DACH2: variants seen among roughly 807,000 people sequenced by gnomAD.
DACH2 encodes the protein dachshund family transcription factor 2, also known as dachshund homolog 2.
In DACH2, 17 loss-of-function variants were observed where a neutral mutation model predicts 35.8. That is an observed-to-expected ratio of 0.48 (90% CI 0.33 to 0.71). DACH2 has a LOEUF of 0.71. DACH2 is among the 30% of genes least tolerant of loss of function. The probability of loss-of-function intolerance (pLI) is 0.02; values close to 1 mark genes in which losing one functional copy is unlikely to be tolerated. For missense variants in DACH2, 469 were observed against 472.7 expected (o/e 0.99, Z 0.07); for synonymous variants, 195 against 177.3 (o/e 1.10, Z -0.79).
intron 1 of DACH2, among the ~76,000 whole-genome samples, chrX:86,318,721 A>C (rs1296001727): frequency 2.7e-5 from 3 of 111,485 alleles, no homozygotes; most frequent in Non-Finnish European, 5.6e-5. Flanking sequence ...TCTCTTCCGG[A>C]TGCTCCAGGG....
intron 2 of DACH2, among the ~76,000 whole-genome samples, chrX:86,512,691 T>C (rs1376015010): frequency 1.8e-5 from 2 of 112,199 alleles, no homozygotes. Context: ...TTAGAAAGTA[T>C]AGATTTGATG....
intron 7 of DACH2, among the ~76,000 whole-genome samples, chrX:86,777,107 A>G (rs2042042356): frequency 9.0e-6 from 1 of 111,531 alleles, no homozygotes; most frequent in African/African-American, 3.3e-5. Flanking sequence ...ATACCCAGCA[A>G]TGGGATGGCT....
At chrX:86,512,617 C>G (rs1483991640) in intron 2 of DACH2, among the ~76,000 whole-genome samples, 1 of 111,781 alleles carries the variant, frequency 8.9e-6, no homozygotes, top group Non-Finnish European at 1.9e-5. Flanking sequence ...AAAGACTAAT[C>G]AGGTGTGTTT....
intron 7 of DACH2, among the ~76,000 whole-genome samples, chrX:86,793,410 G>T (rs1051119450): frequency 9.0e-6 from 1 of 111,091 alleles, no homozygotes; most frequent in African/African-American, 3.3e-5. Context: ...TGATTATTGA[G>T]AAACATATAA....
chrX:86,389,968 A>G (rs1292609584), intron 2 of DACH2, among the ~76,000 whole-genome samples: 1 of 112,097 alleles, frequency 8.9e-6, no homozygotes, highest in African/African-American at 3.2e-5. Flanking sequence ...AACAGACAAT[A>G]ATTGATGATT....
At chrX:86,302,977 G>A (rs2034604454) in intron 1 of DACH2, among the ~76,000 whole-genome samples, 1 of 107,314 alleles carries the variant, frequency 9.3e-6, no homozygotes, top group African/African-American at 3.4e-5. Context: ...TTCCCAAAAT[G>A]TATGAAGAGG....
intron 3 of DACH2, among the ~76,000 whole-genome samples, chrX:86,593,018 T>C (rs745757715): frequency 1.8e-5 from 2 of 111,789 alleles, no homozygotes; most frequent in South Asian, 7.4e-4. Context: ...TTTCTTTTCC[T>C]ATTATGTTGG....
intron 1 of DACH2, among the ~76,000 whole-genome samples, chrX:86,265,605 A>G (rs915935858): frequency 2.7e-5 from 3 of 112,136 alleles, no homozygotes; most frequent in Non-Finnish European, 5.6e-5. Flanking sequence ...ATATTTGCAC[A>G]TACTATAAAA....
chrX:86,534,961 T>G (rs2038776301), intron 3 of DACH2, among the ~76,000 whole-genome samples: 1 of 111,931 alleles, frequency 8.9e-6, no homozygotes, highest in South Asian at 3.7e-4. Flanking sequence ...TCAACTAAAT[T>G]TGAAACAAAG....
chrX:86,355,321 ATG>A (rs2035625046), intron 1 of DACH2, among the ~76,000 whole-genome samples: 1 of 111,580 alleles, frequency 9.0e-6, no homozygotes. Context: ...CGATGAGCAT[ATG>A]TGTGTATATG....
chrX:86,495,844 G>T (rs1220649804), intron 2 of DACH2, among the ~76,000 whole-genome samples: 1 of 110,273 alleles, frequency 9.1e-6, no homozygotes, highest in Non-Finnish European at 1.9e-5. Context: ...TTCAAGCTGT[G>T]ACCTTCTGCA....
intron 2 of DACH2, among the ~76,000 whole-genome samples, chrX:86,486,551 A>C (rs1334844346): frequency 9.0e-6 from 1 of 110,946 alleles, no homozygotes; most frequent in African/African-American, 3.3e-5. Flanking sequence ...GCCATGCACA[A>C]TTCTCCTCTT....
chrX:86,340,751 G>A (rs1195842735), intron 1 of DACH2, among the ~76,000 whole-genome samples: 1 of 112,180 alleles, frequency 8.9e-6, no homozygotes, highest in Non-Finnish European at 1.9e-5. Flanking sequence ...AAATTAAAAA[G>A]TGCTATGCCA....
intron 2 of DACH2, among the ~76,000 whole-genome samples, chrX:86,482,842 G>A (rs2148236188): frequency 9.1e-6 from 1 of 109,786 alleles, no homozygotes; most frequent in South Asian, 3.9e-4. Flanking sequence ...CCTTTGTAGG[G>A]ACATGGATGA....
intron 11 of DACH2, among the ~76,000 whole-genome samples, chrX:86,826,736 C>T (rs2042565962): frequency 8.9e-6 from 1 of 111,830 alleles, no homozygotes; most frequent in African/African-American, 3.2e-5. Flanking sequence ...ACAATTAATT[C>T]TACATTTAAT....
intron 1 of DACH2, among the ~76,000 whole-genome samples, chrX:86,216,835 C>T (rs192460340): frequency 9.0e-6 from 1 of 111,567 alleles, no homozygotes; most frequent in Non-Finnish European, 1.9e-5. Context: ...TGGCTCATGC[C>T]TGTAATCCCA....
intron 3 of DACH2, among the ~76,000 whole-genome samples, chrX:86,579,179 G>A (rs963557527): frequency 9.2e-6 from 1 of 108,625 alleles, no homozygotes; most frequent in African/African-American, 3.4e-5. Flanking sequence ...TGCAACCGCC[G>A]CCTCCCAGGT....
At chrX:86,176,693 T>G (rs1388573656) in intron 1 of DACH2, among the ~76,000 whole-genome samples, 1 of 112,147 alleles carries the variant, frequency 8.9e-6, no homozygotes. Context: ...GATATGAAGG[T>G]TTGAATATTT....
At chrX:86,434,165 C>T (rs763158558) in intron 2 of DACH2, among the ~76,000 whole-genome samples, 19 of 111,633 alleles carry the variant, frequency 1.7e-4, no homozygotes, top group African/African-American at 6.2e-4. Flanking sequence ...AAAGACACAG[C>T]GATTTTTATT....
Sources: gnomAD v4.1 joint callset for allele counts (sites outside exome capture counted in the v4.1 genomes callset) on GRCh38, gnomAD v4.1.1 for gene constraint, MANE v1.5 for transcripts, NCBI Gene and HGNC (gene_info 2026-07-23, HGNC 2026-07-21) for gene names.